The following ARL15 variants were observed in gnomAD, a reference collection of about 807,000 sequenced individuals.
The protein encoded by ARL15 is ADP-ribosylation factor-like protein 15.
ARL15 carries 19 observed loss-of-function variants against 25.2 expected under a neutral mutation model. The observed-to-expected ratio is 0.75, with a 90% confidence interval of 0.53 to 1.10. The LOEUF is 1.10. Ranked by LOEUF, ARL15 falls within the 50% of genes least tolerant of loss-of-function variation. The pLI is 0.00. For synonymous variants in ARL15, 94 were observed against 86.8 expected (o/e 1.08, Z -0.46); for missense variants, 220 against 246.0 (o/e 0.89, Z 0.71).
intron 3 of ARL15, among the ~76,000 whole-genome samples, chr5:54,115,651 T>C (rs922277470): frequency 3.3e-5 from 5 of 152,202 alleles, no homozygotes; most frequent in Non-Finnish European, 7.3e-5. Flanking sequence ...CATTATACTA[T>C]ACAAAAATAA....
chr5:53,961,368 C>T (rs1304376043), intron 4 of ARL15, among the ~76,000 whole-genome samples: 1 of 151,702 alleles, frequency 6.6e-6, no homozygotes, highest in Non-Finnish European at 1.5e-5. Flanking sequence ...TATGGTGGCA[C>T]ACGCCTGTAG....
Position 53,968,216 on chromosome 5 carries a change from CTAAA to C in ARL15, c.463-81507_463-81504del, listed in dbSNP as rs541551421. Among the ~76,000 whole-genome samples the C allele has an allele frequency of 8.5e-4, 129 of 152,274 alleles. 1 individual carries two copies. The highest frequency in any genetic ancestry group is 1.5e-3 in the Non-Finnish European group (101 of 68,026). On this transcript the variant is annotated intron_variant, in intron 4 of 4. Transcript: ENST00000504924. ...ACTGATACTCTACAAAACTGGTTGT[CTAAA>C]TAAATTATACAGCTTTCAGATGATC... is the stretch of plus-strand genomic sequence containing the variant.
intron 1 of ARL15, among the ~76,000 whole-genome samples, chr5:54,229,340 T>A (rs1456780390): frequency 6.6e-6 from 1 of 152,150 alleles, no homozygotes; most frequent in Non-Finnish European, 1.5e-5. Context: ...ATAGTCAAAG[T>A]ATTGACTGAA....
chr5:53,993,819 G>C (rs539994833), intron 4 of ARL15, among the ~76,000 whole-genome samples: 1 of 146,298 alleles, frequency 6.8e-6, no homozygotes, highest in African/African-American at 2.5e-5. Flanking sequence ...GTCTCCTCAG[G>C]ACCAAGGCAG....
intron 1 of ARL15, among the ~76,000 whole-genome samples, chr5:54,272,342 T>C (rs1757811245): frequency 6.6e-6 from 1 of 152,032 alleles, no homozygotes; most frequent in African/African-American, 2.4e-5. Flanking sequence ...TAATTTTTAA[T>C]CATTGACAAA....
chr5:54,106,644 T>C (rs575271542), intron 4 of ARL15, among the ~76,000 whole-genome samples: 5 of 152,236 alleles, frequency 3.3e-5, no homozygotes, highest in South Asian at 2.1e-4. Context: ...TTAGGGAATA[T>C]TGACAAATAG....
chr5:54,196,544 T>G (rs1268179596), intron 1 of ARL15, among the ~76,000 whole-genome samples: 4 of 152,118 alleles, frequency 2.6e-5, no homozygotes, highest in Non-Finnish European at 2.9e-5. Context: ...AGTATTGACT[T>G]ACAAATAAAG....
At chr5:53,981,948 G>A (rs1433185630) in intron 4 of ARL15, among the ~76,000 whole-genome samples, 2 of 151,690 alleles carry the variant, frequency 1.3e-5, no homozygotes, top group Admixed American at 6.6e-5. Flanking sequence ...TTCAAAGCTA[G>A]GCAAAGAGCT....
intron 4 of ARL15, among the ~76,000 whole-genome samples, chr5:53,911,441 A>C (rs1745460534): frequency 6.6e-6 from 1 of 151,854 alleles, no homozygotes. Flanking sequence ...TTCAGGTGAT[A>C]GGATTTTAAC....
chr5:54,301,938 CT>C (rs1250625698), intron 1 of ARL15, among the ~76,000 whole-genome samples: 1 of 152,232 alleles, frequency 6.6e-6, no homozygotes, highest in Non-Finnish European at 1.5e-5. Flanking sequence ...GCAAATGCAA[CT>C]TTTCAGATGG....
At chr5:54,058,004 A>AT (rs1289219585) in intron 4 of ARL15, among the ~76,000 whole-genome samples, 20 of 138,284 alleles carry the variant, frequency 1.4e-4, no homozygotes, top group Admixed American at 1.4e-4. Flanking sequence ...TTATTTATTT[A>AT]TTTATTTATT....
At chr5:54,216,655 C>G (rs1314189572) in intron 1 of ARL15, among the ~76,000 whole-genome samples, 2 of 148,106 alleles carry the variant, frequency 1.4e-5, no homozygotes, top group Admixed American at 1.3e-4. Context: ...ACACACACAC[C>G]TAATTAAATC....
intron 1 of ARL15, among the ~76,000 whole-genome samples, chr5:54,181,772 A>G (rs1411160679): frequency 6.6e-6 from 1 of 152,148 alleles, no homozygotes; most frequent in Non-Finnish European, 1.5e-5. Context: ...CATCTCTTCA[A>G]AAGAAAAATT....
chr5:54,211,327 A>G (rs1170452485), intron 1 of ARL15, among the ~76,000 whole-genome samples: 2 of 152,176 alleles, frequency 1.3e-5, no homozygotes, highest in Non-Finnish European at 2.9e-5. Context: ...TTCAGGTTTT[A>G]AGATCCATGA....
At chr5:53,956,796 T>C (rs1322238000) in intron 4 of ARL15, among the ~76,000 whole-genome samples, 1 of 151,960 alleles carries the variant, frequency 6.6e-6, no homozygotes, top group African/African-American at 2.4e-5. Flanking sequence ...AGCTGAAAAC[T>C]ACAATGACTC....
chr5:54,182,340 G>A (rs1188970919), intron 1 of ARL15, among the ~76,000 whole-genome samples: 3 of 116,830 alleles, frequency 2.6e-5, no homozygotes, highest in Non-Finnish European at 5.2e-5. Flanking sequence ...GTGTAAGGAA[G>A]GGATCCAGTT....
intron 4 of ARL15, among the ~76,000 whole-genome samples, chr5:54,014,174 C>G (rs2111800247): frequency 6.6e-6 from 1 of 152,250 alleles, no homozygotes; most frequent in South Asian, 2.1e-4. Flanking sequence ...AATGAAGGAT[C>G]ATAGGGAACT....
chr5:54,241,769 G>T (rs250378), intron 1 of ARL15, among the ~76,000 whole-genome samples: 109,182 of 152,076 alleles, frequency 0.72, 39,740 homozygotes, highest in African/African-American at 0.75. Flanking sequence ...ATCTTGAAAT[G>T]GACAAAAAGT....
At chr5:53,933,986 C>A (rs1746278177) in intron 4 of ARL15, among the ~76,000 whole-genome samples, 1 of 152,108 alleles carries the variant, frequency 6.6e-6, no homozygotes, top group African/African-American at 2.4e-5. Flanking sequence ...AATAATTTTT[C>A]TTTTACTCTA....
Sources: gnomAD v4.1 joint callset for allele counts (sites outside exome capture counted in the v4.1 genomes callset) on GRCh38, gnomAD v4.1.1 for gene constraint, MANE v1.5 for transcripts, NCBI Gene and HGNC (gene_info 2026-07-23, HGNC 2026-07-21) for gene names.